The following FAF1 variants were observed in gnomAD, a reference collection of about 807,000 sequenced individuals.
The protein encoded by FAF1 is Fas associated factor 1, also known as FAS-associated factor 1.
A neutral mutation model predicts 92.5 loss-of-function variants in FAF1; 25 were observed. That is an observed-to-expected ratio of 0.27 (90% CI 0.20 to 0.38). FAF1 has a LOEUF of 0.38. Among genes scored for constraint, FAF1 ranks in the 10% least tolerant of loss-of-function variants. FAF1 has a pLI of 1.00. For missense variants in FAF1, 636 were observed against 793.3 expected (o/e 0.80, Z 2.38); for synonymous variants, 234 against 273.2 (o/e 0.86, Z 1.42).
intron 9 of FAF1, among the ~76,000 whole-genome samples, chr1:50,592,174 T>C (rs928373326): frequency 2.0e-5 from 3 of 152,032 alleles, no homozygotes; most frequent in African/African-American, 4.8e-5. Flanking sequence ...AATATAAAAT[T>C]ATCAATTTAT....
intron 2 of FAF1, among the ~76,000 whole-genome samples, chr1:50,824,830 G>C (rs1570009864): frequency 1.3e-5 from 2 of 152,180 alleles, no homozygotes; most frequent in East Asian, 3.9e-4. Flanking sequence ...ATTATATTAA[G>C]TGAAATAAGC....
intron 1 of FAF1, among the ~76,000 whole-genome samples, chr1:50,948,327 C>A (rs1248455310): frequency 6.6e-6 from 1 of 152,122 alleles, no homozygotes; most frequent in Non-Finnish European, 1.5e-5. Flanking sequence ...GGTTTGTTGG[C>A]TCATGGTTCT....
At chr1:50,644,912 T>C (rs566016908) in intron 8 of FAF1, among the ~76,000 whole-genome samples, 1 of 152,352 alleles carries the variant, frequency 6.6e-6, no homozygotes, top group East Asian at 1.9e-4. Flanking sequence ...CTTCCATGTG[T>C]TCTTCTTCAT....
chr1:50,555,530 G>T (rs972791248), intron 13 of FAF1, among the ~76,000 whole-genome samples: 4 of 152,008 alleles, frequency 2.6e-5, no homozygotes, highest in Non-Finnish European at 5.9e-5. Flanking sequence ...CTAATCATCA[G>T]GGAAATGCAA....
intron 1 of FAF1, among the ~76,000 whole-genome samples, chr1:50,872,298 T>G (rs924145667): frequency 6.6e-6 from 1 of 152,126 alleles, no homozygotes; most frequent in African/African-American, 2.4e-5. Flanking sequence ...GATTCAAGAC[T>G]TCAGCAGAGG....
chr1:50,722,749 A>G (rs1658467607), intron 6 of FAF1, among the ~76,000 whole-genome samples: 1 of 152,072 alleles, frequency 6.6e-6, no homozygotes, highest in South Asian at 2.1e-4. Flanking sequence ...TGCACTGTGC[A>G]AGGCCCGCTG....
chr1:50,629,523 G>A (rs72900922), intron 8 of FAF1, among the ~76,000 whole-genome samples: 10,036 of 152,132 alleles, frequency 0.066, 409 homozygotes, highest in East Asian at 0.092. Flanking sequence ...GGTAAAATTG[G>A]GGAACTATGC....
At chr1:50,493,664 A>G (rs867454807) in intron 15 of FAF1, among the ~76,000 whole-genome samples, 4 of 152,206 alleles carry the variant, frequency 2.6e-5, no homozygotes, top group South Asian at 4.1e-4. Context: ...TATATTATAT[A>G]TCTCTGTATT....
intron 9 of FAF1, among the ~76,000 whole-genome samples, chr1:50,585,782 CTAATA>C (rs1170712134): frequency 6.7e-6 from 1 of 149,242 alleles, no homozygotes; most frequent in Non-Finnish European, 1.5e-5. Flanking sequence ...GTAGAATAAC[CTAATA>C]TAACATAAAT....
chr1:50,909,410 G>C (rs1227258300), intron 1 of FAF1, among the ~76,000 whole-genome samples: 1 of 152,126 alleles, frequency 6.6e-6, no homozygotes, highest in African/African-American at 2.4e-5. Context: ...TCCTGAATTT[G>C]AATGTTGGCC....
chr1:50,675,983 T>A (rs2124352502), intron 7 of FAF1, among the ~76,000 whole-genome samples: 1 of 152,368 alleles, frequency 6.6e-6, no homozygotes, highest in East Asian at 1.9e-4. Context: ...GTGGTAGAGC[T>A]GAATGTGAAT....
intron 2 of FAF1, among the ~76,000 whole-genome samples, chr1:50,840,875 TTAAA>T (rs925663918): frequency 6.6e-6 from 1 of 151,994 alleles, no homozygotes; most frequent in African/African-American, 2.4e-5. Flanking sequence ...AGATGATTAA[TTAAA>T]TAAATTATAT....
intron 4 of FAF1, among the ~76,000 whole-genome samples, chr1:50,756,097 C>T (rs749937819): frequency 2.0e-5 from 3 of 152,168 alleles, no homozygotes; most frequent in Non-Finnish European, 4.4e-5. Flanking sequence ...GGCTTAAATT[C>T]TCCTCAGAAA....
At chr1:50,721,449 A>C (rs1326403203) in intron 6 of FAF1, among the ~76,000 whole-genome samples, 1 of 152,048 alleles carries the variant, frequency 6.6e-6, no homozygotes, top group African/African-American at 2.4e-5. Flanking sequence ...TCACGACCTC[A>C]GGATCCGCCT....
chr1:50,859,427 G>A (rs1018694711), intron 1 of FAF1, among the ~76,000 whole-genome samples: 4 of 151,722 alleles, frequency 2.6e-5, no homozygotes, highest in South Asian at 2.1e-4. Context: ...CACAAAAATC[G>A]ATGTACAAAA....
chr1:50,559,686 A>C (rs1649777562), intron 13 of FAF1, among the ~76,000 whole-genome samples: 1 of 152,224 alleles, frequency 6.6e-6, no homozygotes, highest in African/African-American at 2.4e-5. Flanking sequence ...CAAAAGCAGA[A>C]GAGAAAAGGA....
intron 15 of FAF1, among the ~76,000 whole-genome samples, chr1:50,516,203 T>C (rs1219529545): frequency 6.6e-6 from 1 of 152,178 alleles, no homozygotes; most frequent in Admixed American, 6.5e-5. Flanking sequence ...AACTTACAGT[T>C]ATCTCTCATG....
intron 6 of FAF1, among the ~76,000 whole-genome samples, chr1:50,723,338 T>G (rs1658489747): frequency 1.3e-5 from 2 of 150,660 alleles, no homozygotes; most frequent in African/African-American, 4.9e-5. Context: ...AGGCAGAGGT[T>G]GCAGTGAGCG....
chr1:50,888,586 G>A (rs1007511903), intron 1 of FAF1, among the ~76,000 whole-genome samples: 1 of 152,126 alleles, frequency 6.6e-6, no homozygotes, highest in Non-Finnish European at 1.5e-5. Flanking sequence ...TTAGCATGAA[G>A]GGCTGTAGAA....
Sources: allele counts gnomAD v4.1 joint callset (sites outside exome capture counted in the v4.1 genomes callset), GRCh38; gene constraint gnomAD v4.1.1; transcripts MANE v1.5; gene names NCBI Gene and HGNC (gene_info 2026-07-23, HGNC 2026-07-21).